STPG2: variants seen among roughly 807,000 people sequenced by gnomAD.
STPG2 encodes the protein sperm-tail PG-rich repeat-containing protein 2.
Under a neutral mutation model 54.2 loss-of-function variants are expected in STPG2, and 56 were observed. The ratio of observed to expected loss-of-function variants is 1.03; its 90% CI spans 0.83 to 1.29. The LOEUF (loss-of-function observed/expected upper bound fraction) is 1.29. Ranked by LOEUF, STPG2 falls within the 50% of genes most tolerant of loss-of-function variation. The pLI, the probability that STPG2 is intolerant of heterozygous loss-of-function variation, is 0.00. For synonymous variants in STPG2, 200 were observed against 181.8 expected (o/e 1.10, Z -0.81); for missense variants, 596 against 544.9 (o/e 1.09, Z -0.93).
chr4:97,785,220 G>A (rs1726787634), intron 9 of STPG2, among the ~76,000 whole-genome samples: 1 of 151,824 alleles, frequency 6.6e-6, no homozygotes, highest in South Asian at 2.1e-4. Flanking sequence ...AACCAAATTT[G>A]GCATATATTT....
chr4:97,902,799 C>A (rs1487194985), intron 8 of STPG2, among the ~76,000 whole-genome samples: 1 of 152,080 alleles, frequency 6.6e-6, no homozygotes, highest in Non-Finnish European at 1.5e-5. Context: ...TTTGGCTATA[C>A]ATCCAAAAGA....
In STPG2 at chr4:97,998,358, T is replaced by C. The variant is rs555308564; in HGVS notation, c.613-17040A>G. 4.5e-4 allele frequency among the ~76,000 whole-genome samples: 69 copies of C among 152,304 alleles called. No homozygotes were observed. In the South Asian group the frequency reaches 0.013, roughly 28 times the overall value. ...ATGAGGCCCAGCCAACTCCCAGTTA[T>C]TACAGCCAACCCCTCTGAGGTGTCA... is the stretch of plus-strand genomic sequence containing the variant. On this transcript the variant is annotated intron_variant, in intron 5 of 10. Transcript: ENST00000295268.
At chr4:97,967,365 C>T (rs1015381175) in intron 7 of STPG2, among the ~76,000 whole-genome samples, 6 of 152,044 alleles carry the variant, frequency 3.9e-5, no homozygotes, top group Non-Finnish European at 7.4e-5. Flanking sequence ...ATTCATAAAG[C>T]AAGTCCTTAG....
At chr4:97,907,396 T>C (rs1410261437) in intron 8 of STPG2, among the ~76,000 whole-genome samples, 1 of 152,232 alleles carries the variant, frequency 6.6e-6, no homozygotes, top group African/African-American at 2.4e-5. Context: ...GAATAATCCA[T>C]GTTCATGGGT....
intron 9 of STPG2, among the ~76,000 whole-genome samples, chr4:97,814,239 C>T (rs1301311017): frequency 6.6e-6 from 1 of 152,162 alleles, no homozygotes; most frequent in Non-Finnish European, 1.5e-5. Context: ...CAATACCTTC[C>T]TTAAATGTCA....
chr4:98,028,915 G>C (rs1386900855), intron 5 of STPG2, among the ~76,000 whole-genome samples: 4 of 151,998 alleles, frequency 2.6e-5, no homozygotes, highest in African/African-American at 9.6e-5. Context: ...AATATTTTCT[G>C]ATTTTCCTCA....
At position 97,499,560 on chromosome 4, in the gene STPG2, T is replaced by G. The variant is rs560304508; in HGVS notation, c.462+213139A>C. ...CATTGATCATGTTCTAATATAAATT[T>G]TATATTCAATATTCTTATAGGATAT... is the stretch of plus-strand genomic sequence containing the variant. On this transcript the variant is annotated intron_variant, in intron 4 of 4. Coordinates refer to the STPG2 transcript ENST00000522676. 1.3e-4 allele frequency among the ~76,000 whole-genome samples: 20 copies of G among 152,166 alleles called. No homozygotes were observed. The East Asian group carries it at 3.9e-3, about 30-fold the overall frequency.
chr4:97,508,500 T>C (rs937734275), intron 4 of STPG2, among the ~76,000 whole-genome samples: 6 of 152,144 alleles, frequency 3.9e-5, no homozygotes, highest in Admixed American at 2.0e-4. Flanking sequence ...TACATTTCAA[T>C]ATATGTACAG....
At chr4:98,035,267 C>A (rs1435340337) in intron 5 of STPG2, among the ~76,000 whole-genome samples, 1 of 152,106 alleles carries the variant, frequency 6.6e-6, no homozygotes, top group Admixed American at 6.6e-5. Flanking sequence ...AAACAAACAA[C>A]CCCATCAAAA....
intron 4 of STPG2, among the ~76,000 whole-genome samples, chr4:97,443,536 G>A (rs1320407738): frequency 6.6e-6 from 1 of 151,972 alleles, no homozygotes; most frequent in East Asian, 1.9e-4. Context: ...ATTGGAGAAG[G>A]GACTCTAGTT....
intron 9 of STPG2, among the ~76,000 whole-genome samples, chr4:97,830,686 C>A (rs1431842575): frequency 6.6e-6 from 1 of 152,034 alleles, no homozygotes; most frequent in Non-Finnish European, 1.5e-5. Flanking sequence ...GAAGATTTAC[C>A]AAGCAAATTG....
chr4:98,076,948 C>G (rs1299228754), intron 5 of STPG2, among the ~76,000 whole-genome samples: 1 of 151,978 alleles, frequency 6.6e-6, no homozygotes, highest in Non-Finnish European at 1.5e-5. Flanking sequence ...ATTTAATCAA[C>G]AAACAAAATG....
intron 8 of STPG2, among the ~76,000 whole-genome samples, chr4:97,933,149 G>T (rs1199103858): frequency 6.6e-6 from 1 of 151,324 alleles, no homozygotes; most frequent in Admixed American, 6.6e-5. Flanking sequence ...TTTGTTTATT[G>T]GCCATATAAA....
chr4:97,846,772 A>T (rs942038784), intron 8 of STPG2, among the ~76,000 whole-genome samples: 1 of 152,126 alleles, frequency 6.6e-6, no homozygotes, highest in African/African-American at 2.4e-5. Context: ...TAGGTCTAAT[A>T]GCAAGAGGTA....
intron 4 of STPG2, among the ~76,000 whole-genome samples, chr4:97,499,124 G>A (rs1312073952): frequency 6.6e-6 from 1 of 151,906 alleles, no homozygotes; most frequent in East Asian, 1.9e-4. Flanking sequence ...GTAATACAGG[G>A]AAATATCAGT....
chr4:97,732,565 A>T lies in STPG2; in HGVS notation c.1205-19751T>A, dbSNP rs147528295. On this transcript the variant is annotated intron_variant, in intron 9 of 10. Coordinates refer to ENST00000295268, the MANE Select transcript of STPG2 (RefSeq NM_174952.3). ...AACAAATGCAACAAAAAGAAAAATAAATAAGCAGGACCTCGTTAAAAGCTT... is the reference window on the plus strand; with the variant it reads ...AACAAATGCAACAAAAAGAAAAATATATAAGCAGGACCTCGTTAAAAGCTT... Among the ~76,000 whole-genome samples the T allele has an allele frequency of 9.2e-4, 140 of 152,332 alleles. 1 individual carries two copies. The highest frequency in any genetic ancestry group is 1.6e-3 in the Admixed American group (25 of 15,296).
chr4:98,125,368 CTTT>C (rs1280138809), intron 3 of STPG2, among the ~76,000 whole-genome samples: 1 of 151,802 alleles, frequency 6.6e-6, no homozygotes, highest in East Asian at 1.9e-4. Flanking sequence ...TTTGTGGGGT[CTTT>C]TTTGTTGATG....
At chr4:97,810,169 T>C (rs995677415) in intron 9 of STPG2, among the ~76,000 whole-genome samples, 7 of 151,996 alleles carry the variant, frequency 4.6e-5, no homozygotes, top group African/African-American at 1.5e-4. Context: ...TCCTAATACC[T>C]AAAGAATGAA....
In STPG2 at chr4:97,860,466, A is replaced by G. The variant is rs1182132168; in HGVS notation, c.1045-19534T>C. On this transcript the variant is annotated intron_variant, in intron 8 of 10. Transcript: ENST00000295268. ...ACCTCCTTGGTCAGGTATATTCCTAAGTTTTATTTTATTTTATTTTATTTT... is the reference window on the plus strand; with the variant it reads ...ACCTCCTTGGTCAGGTATATTCCTAGGTTTTATTTTATTTTATTTTATTTT... 3.4e-5 allele frequency among the ~76,000 whole-genome samples: 4 copies of G among 116,802 alleles called. No homozygotes were observed. The East Asian group carries it at 9.3e-4, about 27-fold the overall frequency. 76.6% of individuals were successfully genotyped at this position (116,802 alleles called of 152,430 possible). A position where few individuals can be genotyped will look rare whatever the true frequency, so the allele number is the denominator to read the frequency against.
Sources: gnomAD v4.1 joint callset for allele counts (sites outside exome capture counted in the v4.1 genomes callset) on GRCh38, gnomAD v4.1.1 for gene constraint, MANE v1.5 for transcripts, NCBI Gene and HGNC (gene_info 2026-07-23, HGNC 2026-07-21) for gene names.